RASSF8: variants seen among roughly 807,000 people sequenced by gnomAD.
The protein encoded by RASSF8 is Ras association domain family member 8, also known as ras association domain-containing protein 8.
Under a neutral mutation model 48.5 loss-of-function variants are expected in RASSF8, and 22 were observed. That is an observed-to-expected ratio of 0.45 (90% confidence interval 0.32 to 0.65). The LOEUF is 0.65. RASSF8 is among the 30% of genes least tolerant of loss of function. The pLI is 0.03. For missense variants in RASSF8, 418 were observed against 489.2 expected (o/e 0.85, Z 1.37); for synonymous variants, 127 against 171.5 (o/e 0.74, Z 2.03).
chr12:26,038,008 G>A (rs992562630), intron 2 of RASSF8, among the ~76,000 whole-genome samples: 2 of 152,124 alleles, frequency 1.3e-5, no homozygotes, highest in African/African-American at 2.4e-5. Context: ...GTATTTGCAC[G>A]GCATCCCCTC....
intron 3 of RASSF8, among the ~76,000 whole-genome samples, chr12:26,059,832 T>C (rs183592233): frequency 6.6e-6 from 1 of 152,302 alleles, no homozygotes; most frequent in African/African-American, 2.4e-5. Flanking sequence ...GTTTGTAGTG[T>C]TTTCTACTTA....
intron 1 of RASSF8, among the ~76,000 whole-genome samples, chr12:25,963,321 C>CA (rs61607517): frequency 0.14 from 13,889 of 95,844 alleles, 843 homozygotes; most frequent in Admixed American, 0.19. Context: ...TTGTTTTAGC[C>CA]AAAAAAAAAA....
chr12:26,074,537 C>T (rs1224745171), downstream of RASSF8, among the ~76,000 whole-genome samples: 2 of 151,486 alleles, frequency 1.3e-5, no homozygotes, highest in Non-Finnish European at 2.9e-5. Flanking sequence ...TAGAGACGGG[C>T]TTTCACTATG....
Position 26,065,081 on chromosome 12 carries a change from A to G in RASSF8, c.687A>G (p.Glu229=), listed in dbSNP as rs570347833. The part of the protein sequence containing the change: ...EIEEEEFWEN[E]LQIEQENEKQ... ...AGGAGGAAGAATTCTGGGAAAATGAATTACAGATTGAACAGGAAAATGAAA... is the reference window on the plus strand; with the variant it reads ...AGGAGGAAGAATTCTGGGAAAATGAGTTACAGATTGAACAGGAAAATGAAA... Residue 229 remains glutamate, a synonymous_variant, in exon 4 of 6, where the codon GAA becomes GAG. Coordinates refer to ENST00000689635, the MANE Select transcript of RASSF8 (RefSeq NM_001394098.1). 12 of 1,614,146 alleles carry G rather than the reference A, an allele frequency of 7.4e-6. No individual in the cohort carries two copies. The South Asian group carries it at 1.1e-4, about 15-fold the overall frequency.
Position 26,019,738 on chromosome 12 carries a change from T to C in RASSF8, c.-109+24608T>C, listed in dbSNP as rs74073218. Among the ~76,000 whole-genome samples the C allele has an allele frequency of 3.6e-3, 553 of 152,312 alleles. 5 individuals carry two copies. The highest frequency in any genetic ancestry group is 0.013 in the African/African-American group (540 of 41,574). The stretch of plus-strand genomic sequence containing the variant: ...TTTTAAAAATTATTACTATTTTTTA[T>C]TATGTCATATTGTAGCCCCAGTAGG... On this transcript the variant is annotated intron_variant, in intron 2 of 5. Transcript: ENST00000689635.
At chr12:26,041,943 C>T (rs1943274236) in intron 2 of RASSF8, among the ~76,000 whole-genome samples, 1 of 152,128 alleles carries the variant, frequency 6.6e-6, no homozygotes, top group Non-Finnish European at 1.5e-5. Flanking sequence ...TCAAAATACC[C>T]AAAACCTAAC....
intron 2 of RASSF8, among the ~76,000 whole-genome samples, chr12:26,016,525 T>C (rs539319741): frequency 6.6e-6 from 1 of 152,208 alleles, no homozygotes; most frequent in African/African-American, 2.4e-5. Context: ...GATCTTTTTG[T>C]TGATATTGTT....
intron 2 of RASSF8, among the ~76,000 whole-genome samples, chr12:26,040,493 G>A (rs1943241218): frequency 6.6e-6 from 1 of 152,200 alleles, no homozygotes; most frequent in Non-Finnish European, 1.5e-5. Flanking sequence ...GGAAAGGGTA[G>A]GAAATGTTTT....
chr12:26,069,469 A>C lies in RASSF8; in HGVS notation c.*651A>C. 1.0e-6 allele frequency: 1 copy of C among 985,462 alleles called. No homozygotes were observed. Among genetic ancestry groups the C allele is most frequent in the Non-Finnish European group, 1.2e-6 (1 of 829,926 alleles). 61.0% of individuals were successfully genotyped at this position (985,462 alleles called of 1,614,324 possible). ...TTAGTCGTTCCTTTACAATATTTCC[A>C]AATATACGTGTGGCCACAGAGCATA... On this transcript the variant is annotated 3_prime_UTR_variant, in exon 6 of 6. Transcript: ENST00000689635.
Position 26,067,612 on chromosome 12 carries a change from A to T in RASSF8, c.1037A>T (p.Gln346Leu). The T allele has an allele frequency of 6.2e-7, 1 of 1,614,004 alleles. No individual in the cohort carries two copies. Among genetic ancestry groups the T allele is most frequent in the Non-Finnish European group, 8.5e-7 (1 of 1,179,880 alleles). The change falls in exon 5 of 6, where the codon CAA (glutamine) becomes CTA (leucine). Residue 346 changes from glutamine (Q) to leucine (L), a missense_variant. Coordinates refer to ENST00000689635, the MANE Select transcript of RASSF8 (RefSeq NM_001394098.1). ...GAGCAGTTGACTAAGGAGTTGCGGC[A>T]AGTCAATCTCCAGCAGTTCATCCAG... ...ELEQLTKELR[Q>L]VNLQQFIQQT...
chr12:26,048,517 T>C (rs1271515372), intron 2 of RASSF8, among the ~76,000 whole-genome samples: 2 of 152,142 alleles, frequency 1.3e-5, no homozygotes, highest in African/African-American at 2.4e-5. Context: ...ACTGGAGAGA[T>C]TGGGCCCATC....
chr12:25,987,515 A>G (rs75793958), intron 1 of RASSF8, among the ~76,000 whole-genome samples: 3,041 of 152,322 alleles, frequency 0.02, 97 homozygotes, highest in African/African-American at 0.068. Flanking sequence ...TATAATCTGT[A>G]CAAGTGCCCG....
chr12:25,976,968 A>G (rs16929805), intron 1 of RASSF8, among the ~76,000 whole-genome samples: 8 of 151,948 alleles, frequency 5.3e-5, no homozygotes, highest in African/African-American at 1.9e-4. Context: ...TTATCCCCTC[A>G]TTGTTGGTTC....
chr12:26,077,146 A>T (rs1326243190), downstream of RASSF8, among the ~76,000 whole-genome samples: 4 of 152,280 alleles, frequency 2.6e-5, no homozygotes, highest in East Asian at 7.7e-4. Context: ...AGTTCTTTGT[A>T]GATTCTGGAT....
intron 2 of RASSF8, among the ~76,000 whole-genome samples, chr12:26,006,189 CT>C (rs1383898507): frequency 6.6e-6 from 1 of 152,160 alleles, no homozygotes; most frequent in African/African-American, 2.4e-5. Context: ...TATCTCTATC[CT>C]TTTCTTCTTC....
intron 1 of RASSF8, among the ~76,000 whole-genome samples, chr12:25,970,909 G>A (rs1360363400): frequency 1.3e-5 from 2 of 152,190 alleles, no homozygotes; most frequent in East Asian, 1.9e-4. Flanking sequence ...AACACTTGAC[G>A]GTATTAAAAC....
At chr12:26,026,577 A>G (rs1942918407) in intron 2 of RASSF8, among the ~76,000 whole-genome samples, 1 of 152,178 alleles carries the variant, frequency 6.6e-6, no homozygotes, top group South Asian at 2.1e-4. Context: ...CTAGGATTAC[A>G]GGCACACACC....
chr12:26,055,379 G>A lies in RASSF8; in HGVS notation c.36G>A (p.Arg12=). ...AAGTATGGGTGGATGGAGTTCAGAG[G>A]ATTGTTTGTGGAGTCACTGAAGTCA... is the stretch of plus-strand genomic sequence containing the variant. ...ELKVWVDGVQ[R]IVCGVTEVTT... Residue 12 remains arginine (R), a synonymous_variant, in exon 3 of 6, where the codon AGG becomes AGA. Transcript: ENST00000689635. The A allele has an allele frequency of 1.2e-6, 2 of 1,614,120 alleles. No homozygotes were observed. The highest frequency in any genetic ancestry group is 1.7e-6 in the Non-Finnish European group (2 of 1,179,982).
intron 2 of RASSF8, among the ~76,000 whole-genome samples, chr12:26,017,276 A>G: frequency 6.6e-6 from 1 of 152,224 alleles, no homozygotes; most frequent in East Asian, 1.9e-4. Context: ...ATCTTTGTCC[A>G]ATCAGGAGAG....
Sources: allele counts gnomAD v4.1 joint callset (sites outside exome capture counted in the v4.1 genomes callset), GRCh38; gene constraint gnomAD v4.1.1; transcripts MANE v1.5; gene names NCBI Gene and HGNC (gene_info 2026-07-23, HGNC 2026-07-21).